Variants in SF3B3 observed in about 807,000 individuals in gnomAD.
SF3B3 encodes splicing factor 3b subunit 3, also known as SAP 130.
In SF3B3, 33 loss-of-function variants were observed where a neutral mutation model predicts 139.2. The ratio of observed to expected loss-of-function variants is 0.24; its 90% CI spans 0.18 to 0.32. The LOEUF (loss-of-function observed/expected upper bound fraction) is 0.32. Among genes scored for constraint, SF3B3 ranks in the 10% least tolerant of loss-of-function variants. SF3B3 has a pLI of 1.00. For missense variants in SF3B3, 818 were observed against 1,509.4 expected, an observed-to-expected ratio of 0.54 and a Z score of 7.59; for synonymous variants, 596 against 563.6, an observed-to-expected ratio of 1.06 and a Z score of -0.81.
At position 70,554,603 on chromosome 16, in the gene SF3B3, G is replaced by C; in HGVS notation, c.1554+6G>C. The C allele has an allele frequency of 1.9e-6, 3 of 1,614,026 alleles. No individual in the cohort carries two copies. The highest frequency in any genetic ancestry group is 2.5e-6 in the Non-Finnish European group (3 of 1,179,966). On this transcript the variant is annotated splice_donor_region_variant and intron_variant, in intron 12 of 25. Transcript: ENST00000302516. Reference sequence around the variant, plus strand: ...GAGATGATGCCTTGGTGCAGGTGAGGGTTCTCAGAGCTTACCTACTTGGCC... The same window carrying C: ...GAGATGATGCCTTGGTGCAGGTGAGCGTTCTCAGAGCTTACCTACTTGGCC...
In SF3B3 at chr16:70,528,900, C is replaced by T; in HGVS notation, c.98C>T (p.Ser33Phe). The T allele has an allele frequency of 6.2e-7, 1 of 1,611,446 alleles. No homozygotes were observed. Among genetic ancestry groups the T allele is most frequent in the South Asian group, 1.1e-5 (1 of 90,974 alleles). ...ACCAAACAACAAGAAATTGTTGTTT[C>T]CCGTGGGAAGATCTTGGAGCTGCTT... ...SGTKQQEIVV[S>F]RGKILELLRP... is the part of the protein sequence containing the mutation. Residue 33 changes from serine to phenylalanine, a missense_variant, in exon 3 of 26, where the codon TCC (serine) becomes TTC (phenylalanine). By Grantham distance (155) the Ser-to-Phe change is radical. Coordinates refer to ENST00000302516, the MANE Select transcript of SF3B3 (RefSeq NM_012426.5).
At chr16:70,527,821 G>C (rs2050079018) in intron 2 of SF3B3, among the ~76,000 whole-genome samples, 1 of 152,128 alleles carries the variant, frequency 6.6e-6, no homozygotes, top group Non-Finnish European at 1.5e-5. Flanking sequence ...TGTCACCCAG[G>C]CTGGAGCGCA....
chr16:70,553,973 G>A (rs1190712326), intron 11 of SF3B3: 1 of 152,790 alleles, frequency 6.5e-6, no homozygotes, highest in East Asian at 1.9e-4. Context: ...TCTCACAGAG[G>A]CTTAAGTAAT....
intron 18 of SF3B3, among the ~76,000 whole-genome samples, 153 bp downstream of exon 18, chr16:70,564,203 T>C (rs1037812538): frequency 6.6e-6 from 1 of 152,124 alleles, no homozygotes; most frequent in Non-Finnish European, 1.5e-5. Flanking sequence ...AAACTGCACC[T>C]CTATTAAAAA....
chr16:70,526,483 G>GATGAA, intron 1 of SF3B3, 104 bp from the exon 2 acceptor site: 1 of 589,106 alleles, frequency 1.7e-6, no homozygotes, highest in Non-Finnish European at 3.0e-6. Context: ...TTCTTAATAG[G>GATGAA]GCTTGCTCTG....
At chr16:70,538,079 T>A (rs751972123) in intron 6 of SF3B3, 2 of 670,088 alleles carry the variant, frequency 3.0e-6, no homozygotes, top group African/African-American at 3.5e-5. Flanking sequence ...AGTTTTTGCC[T>A]TATGAATCTG....
intron 10 of SF3B3, among the ~76,000 whole-genome samples, chr16:70,544,987 C>A (rs2050254261): frequency 6.6e-6 from 1 of 152,210 alleles, no homozygotes; most frequent in Non-Finnish European, 1.5e-5. Flanking sequence ...TCAACTATAT[C>A]AATGCTATAT....
chr16:70,539,120 T>C lies in SF3B3; in HGVS notation c.980T>C (p.Leu327Pro), dbSNP rs1393542209. 7 of 1,613,926 alleles carry C rather than the reference T, an allele frequency of 4.3e-6. No homozygotes were observed. The highest frequency in any genetic ancestry group is 5.9e-6 in the Non-Finnish European group (7 of 1,179,754). The stretch of plus-strand genomic sequence containing the variant: ...TCTCACCAGGTTACTGAGATCCGGC[T>C]CAAATATTTTGATACTGTACCCGTT... ...TDEDMVTEIR[L>P]KYFDTVPVAA... The change falls in exon 8 of 26, where the codon CTC becomes CCC. Residue 327 changes from leucine (L) to proline (P), a missense_variant. Physicochemically the swap from Leu to Pro is moderately conservative, Grantham distance 98 (BLOSUM62 -3). Coordinates refer to ENST00000302516, the MANE Select transcript of SF3B3 (RefSeq NM_012426.5).
At chr16:70,529,393 A>G in intron 3 of SF3B3, 194 bp downstream of exon 3, 1 of 573,340 alleles carries the variant, frequency 1.7e-6, no homozygotes, top group Non-Finnish European at 3.1e-6. Flanking sequence ...ATCTTAACAC[A>G]CCTTTCTACT....
At position 70,564,942 on chromosome 16, in the gene SF3B3, G is replaced by C. The variant is rs530056915; in HGVS notation, c.2464-123G>C. On this transcript the variant is annotated intron_variant, in intron 18 of 25. Transcript: ENST00000302516. Reference sequence around the variant, plus strand: ...AGTCATGTCGGGAAATCCTGGCTGGGATGGCTGACTTTGCTGCTTTATGTA... The same window carrying C: ...AGTCATGTCGGGAAATCCTGGCTGGCATGGCTGACTTTGCTGCTTTATGTA... 3.2e-5 allele frequency: 26 copies of C among 800,102 alleles called. No individual in the cohort carries two copies. The South Asian group carries it at 3.9e-4, about 12-fold the overall frequency. The allele number at this position is 800,102 out of a possible 1,614,324, so 49.6% of individuals were successfully genotyped here. A position where few individuals can be genotyped will look rare whatever the true frequency, so the allele number is the denominator to read the frequency against.
intron 10 of SF3B3, among the ~76,000 whole-genome samples, chr16:70,546,135 T>G (rs2050266188): frequency 6.6e-6 from 1 of 152,144 alleles, no homozygotes; most frequent in South Asian, 2.1e-4. Context: ...CTTGGCTAAT[T>G]TATTTATTTA....
intron 7 of SF3B3, 144 bp downstream of exon 7, chr16:70,538,604 T>G (rs1296279497): frequency 1.5e-6 from 1 of 660,538 alleles, no homozygotes; most frequent in East Asian, 2.7e-5. Flanking sequence ...TTCTCTCTGG[T>G]TATCAGATTT....
rs1190033578 is a variant in SF3B3 at position 70,572,744 on chromosome 16, A to G, written c.*931A>G. ...TGCCCTGCCCCTGAGAACTGTGTAT[A>G]TGTGGGGCCTGTCTGCAGCACCCAT... On this transcript the variant is annotated 3_prime_UTR_variant, in exon 26 of 26. Transcript: ENST00000302516. 1 of 152,116 alleles carries G rather than the reference A, an allele frequency of 6.6e-6. No individual in the cohort carries two copies. Among genetic ancestry groups the G allele is most frequent in the Non-Finnish European group, 1.5e-5 (1 of 68,120 alleles). 9.4% of individuals were successfully genotyped at this position (152,116 alleles called of 1,614,324 possible).
intron 13 of SF3B3, among the ~76,000 whole-genome samples, chr16:70,555,891 G>C (rs1032704963): frequency 6.6e-6 from 1 of 152,148 alleles, no homozygotes; most frequent in Non-Finnish European, 1.5e-5. Context: ...CATTTCCTGA[G>C]AACAAAGTTG....
Position 70,538,248 on chromosome 16 carries a change from A to G in SF3B3, c.826-75A>G, listed in dbSNP as rs531799486. The G allele has an allele frequency of 1.2e-4, 162 of 1,342,270 alleles. No individual in the cohort carries two copies. In the South Asian group the frequency reaches 1.7e-3, roughly 14 times the overall value. The allele number at this position is 1,342,270 out of a possible 1,614,324, so 83.1% of individuals were successfully genotyped here. ...GCCTTTAATGTCATTTGTAATCCCTATTGGTAAAGTGCTGAATTCCAGAAC... is the reference window on the plus strand; with the variant it reads ...GCCTTTAATGTCATTTGTAATCCCTGTTGGTAAAGTGCTGAATTCCAGAAC... On this transcript the variant is annotated intron_variant, in intron 6 of 25. Transcript: ENST00000302516.
Position 70,563,985 on chromosome 16 carries a change from A to G in SF3B3, c.2398A>G (p.Ile800Val). ...CCCTGAGAGTAACAACCTTATTATC[A>G]TTGAAACGGACCACAATGCCTACAC... The part of the protein sequence containing the change: ...IHPESNNLII[I>V]ETDHNAYTEA... Residue 800 changes from isoleucine (I) to valine (V), a missense_variant, in exon 18 of 26, where the codon ATT becomes GTT. Physicochemically the swap from Ile to Val is conservative, Grantham distance 29. Transcript: ENST00000302516. 3 of 1,614,202 alleles carry G rather than the reference A, an allele frequency of 1.9e-6. No homozygotes were observed. The highest frequency in any genetic ancestry group is 2.5e-6 in the Non-Finnish European group (3 of 1,180,044).
intron 5 of SF3B3, 118 bp downstream of exon 5, chr16:70,532,738 T>TTGTC: frequency 1.1e-6 from 1 of 902,906 alleles, no homozygotes; most frequent in Non-Finnish European, 1.6e-6. Flanking sequence ...CCTGAATACC[T>TTGTC]TATCTTTTGG....
chr16:70,571,493 A>G (rs2050528937), intron 25 of SF3B3, among the ~76,000 whole-genome samples, 180 bp from the exon 26 acceptor site: 1 of 152,178 alleles, frequency 6.6e-6, no homozygotes, highest in African/African-American at 2.4e-5. Flanking sequence ...TGAGCCCCAG[A>G]TTTTGAGAGT....
intron 1 of SF3B3, chr16:70,524,938 A>T (rs1567405881): frequency 6.6e-6 from 1 of 151,462 alleles, no homozygotes; most frequent in Non-Finnish European, 1.5e-5. Flanking sequence ...TTGGCCTCCC[A>T]AAGTGTTGGG....
Sources: allele counts gnomAD v4.1 joint callset (sites outside exome capture counted in the v4.1 genomes callset), GRCh38; gene constraint gnomAD v4.1.1; transcripts MANE v1.5; gene names NCBI Gene and HGNC (gene_info 2026-07-23, HGNC 2026-07-21).